OR1B1: variants seen among roughly 807,000 people sequenced by gnomAD.
OR1B1 encodes the protein olfactory receptor 1B1.
For missense variants in OR1B1, 414 were observed against 402.1 expected (o/e 1.03, Z -0.25); for synonymous variants, 168 against 156.2 (o/e 1.08, Z -0.57).
the OR1B1 span, among the ~76,000 whole-genome samples, chr9:122,654,107 A>T: frequency 6.6e-6 from 1 of 152,156 alleles, no homozygotes; most frequent in East Asian, 1.9e-4. Context: ...TCTAATGGGG[A>T]TTGAGGATGC....
the OR1B1 span, among the ~76,000 whole-genome samples, chr9:122,638,859 A>G: frequency 6.6e-6 from 1 of 152,160 alleles, no homozygotes; most frequent in African/African-American, 2.4e-5. Flanking sequence ...AGAAAAGTTT[A>G]CACAGAGCTC....
the OR1B1 span, among the ~76,000 whole-genome samples, chr9:122,638,923 G>A: frequency 1.3e-5 from 2 of 152,218 alleles, no homozygotes; most frequent in South Asian, 2.1e-4. Context: ...GGCTCATAAC[G>A]GACTATATTT....
chr9:122,633,669 C>A (rs1409760067), upstream of OR1B1, among the ~76,000 whole-genome samples: 1 of 152,102 alleles, frequency 6.6e-6, no homozygotes, highest in Admixed American at 6.5e-5. Context: ...GTGGCTCATG[C>A]CTGTAATCCC....
At chr9:122,637,017 T>C in the OR1B1 span, 5 of 152,348 alleles carry the variant, frequency 3.3e-5, no homozygotes, top group South Asian at 6.2e-4. Flanking sequence ...TTTTGAAAAG[T>C]CTCATTTTTA....
At chr9:122,645,582 G>A in the OR1B1 span, among the ~76,000 whole-genome samples, 1 of 152,150 alleles carries the variant, frequency 6.6e-6, no homozygotes, top group South Asian at 2.1e-4. Context: ...GCAACTGGCA[G>A]AAGACTTTTC....
chr9:122,641,188 A>T, the OR1B1 span, among the ~76,000 whole-genome samples: 13 of 152,210 alleles, frequency 8.5e-5, no homozygotes, highest in African/African-American at 2.9e-4. Context: ...TATTACTCAA[A>T]GAACAGCTGG....
At chr9:122,643,068 C>T in the OR1B1 span, among the ~76,000 whole-genome samples, 1 of 151,954 alleles carries the variant, frequency 6.6e-6, no homozygotes, top group Admixed American at 6.6e-5. Flanking sequence ...GAAGCCTATA[C>T]CATTTGTTCC....
chr9:122,653,101 C>G, the OR1B1 span, among the ~76,000 whole-genome samples: 1 of 152,088 alleles, frequency 6.6e-6, no homozygotes, highest in African/African-American at 2.4e-5. Flanking sequence ...TTAAATTGAC[C>G]AAGATGAAAA....
chr9:122,630,390 C>G (rs900751647), upstream of OR1B1, among the ~76,000 whole-genome samples: 2 of 152,230 alleles, frequency 1.3e-5, no homozygotes, highest in Non-Finnish European at 2.9e-5. Context: ...TCTCCCACAT[C>G]CAATCATTCC....
exon 1 of OR1B1, chr9:122,629,181 C>T: frequency 1.2e-6 from 2 of 1,613,984 alleles, no homozygotes; most frequent in African/African-American, 1.3e-5. Context: ...AGAGCCATGA[C>T]AGCAATGACA....
the OR1B1 span, among the ~76,000 whole-genome samples, chr9:122,656,110 A>G: frequency 6.6e-6 from 1 of 151,990 alleles, no homozygotes; most frequent in Admixed American, 6.6e-5. Context: ...CCTGAAATGT[A>G]CTCTGTGTTC....
chr9:122,645,631 T>C, the OR1B1 span, among the ~76,000 whole-genome samples: 2 of 152,296 alleles, frequency 1.3e-5, no homozygotes, highest in Middle Eastern at 3.4e-3. Flanking sequence ...TGGCATGATA[T>C]TTTTAAAGTA....
chr9:122,657,595 C>T, the OR1B1 span, among the ~76,000 whole-genome samples: 1 of 152,164 alleles, frequency 6.6e-6, no homozygotes, highest in African/African-American at 2.4e-5. Flanking sequence ...TTTGCACTCA[C>T]GGAACACAAA....
the OR1B1 span, among the ~76,000 whole-genome samples, chr9:122,645,278 A>G: frequency 1.3e-5 from 2 of 152,154 alleles, no homozygotes; most frequent in Non-Finnish European, 2.9e-5. Context: ...AAAGCATACT[A>G]TAAGATCTAG....
At chr9:122,648,493 C>T in the OR1B1 span, among the ~76,000 whole-genome samples, 1,595 of 152,150 alleles carry the variant, frequency 0.01, 23 homozygotes, top group African/African-American at 0.036. Context: ...CTTTGAAAAC[C>T]GGCACAAGAC....
exon 1 of OR1B1, chr9:122,628,609 C>T: frequency 6.2e-7 from 1 of 1,613,142 alleles, no homozygotes; most frequent in South Asian, 1.1e-5. Context: ...ATTCAAGCAG[C>T]CTGCAGAGTG....
chr9:122,628,753 G>C lies in OR1B1; in HGVS notation c.783C>G (p.Ile261Met), dbSNP rs1056881625. The C allele has an allele frequency of 1.9e-6, 3 of 1,614,032 alleles. No individual in the cohort carries two copies. In the African/African-American group the frequency reaches 4.0e-5, roughly 22 times the overall value. The stretch of plus-strand genomic sequence containing the variant: ...AGGGAGGCTGGAAGTAGACACAAAT[G>C]ATGGTGCCGTAGAGGAAACCAACCA... Residue 261 changes from isoleucine (I) to methionine (M), a missense_variant, in exon 1 of 1, where the codon ATC (isoleucine) becomes ATG (methionine). By Grantham distance (10) the Ile-to-Met change is conservative. Coordinates refer to ENST00000623530, the Ensembl canonical transcript of OR1B1.
the OR1B1 span, among the ~76,000 whole-genome samples, chr9:122,643,679 C>T: frequency 6.6e-6 from 1 of 152,196 alleles, no homozygotes; most frequent in African/African-American, 2.4e-5. Context: ...CAAACCCAGG[C>T]AGTGCAGTTT....
chr9:122,643,769 G>A, the OR1B1 span, among the ~76,000 whole-genome samples: 6,460 of 152,240 alleles, frequency 0.042, 440 homozygotes, highest in African/African-American at 0.15. Context: ...TGCATCTTGG[G>A]TACCAACTCA....
Sources: allele counts gnomAD v4.1 joint callset (sites outside exome capture counted in the v4.1 genomes callset), GRCh38; gene constraint gnomAD v4.1.1; transcripts MANE v1.5; gene names NCBI Gene and HGNC (gene_info 2026-07-23, HGNC 2026-07-21).